The following ZNF91 variants were observed in gnomAD, a reference collection of about 807,000 sequenced individuals.
The protein encoded by ZNF91 is zinc finger protein 91.
Under a neutral mutation model 12.6 loss-of-function variants are expected in ZNF91, and 7 were observed. The ratio of observed to expected loss-of-function variants is 0.55; its 90% CI spans 0.31 to 1.04. The LOEUF (loss-of-function observed/expected upper bound fraction) is 1.04. Among genes scored for constraint, ZNF91 ranks in the 50% least tolerant of loss-of-function variants. ZNF91 has a pLI of 0.05. For missense variants in ZNF91, 1,217 were observed against 1,385.4 expected (o/e 0.88, Z 1.93); for synonymous variants, 453 against 462.6 (o/e 0.98, Z 0.27).
intron 1 of ZNF91, chr19:23,328,545 T>C (rs1967875861): frequency 6.6e-6 from 1 of 152,146 alleles, no homozygotes; most frequent in South Asian, 2.1e-4. Flanking sequence ...CTAGAGCAGA[T>C]TGTAAGAACT....
At chr19:23,355,532 G>C (rs1315853051), downstream of ZNF91, among the ~76,000 whole-genome samples, 1 of 152,008 alleles carries the variant, frequency 6.6e-6, no homozygotes, top group African/African-American at 2.4e-5. Context: ...ACCCTTCTAG[G>C]CATTGGCTAG....
At chr19:23,394,120 T>C (rs1235182210) in intron 1 of ZNF91, among the ~76,000 whole-genome samples, 1 of 152,184 alleles carries the variant, frequency 6.6e-6, no homozygotes, top group Non-Finnish European at 1.5e-5. Context: ...ACTGGAAATT[T>C]AGTATTTTAC....
In ZNF91 at chr19:23,395,448, G is replaced by A. The variant is rs1281202367; in HGVS notation, c.-94C>T. The A allele has an allele frequency of 1.3e-6, 2 of 1,483,734 alleles. No homozygotes were observed. Among genetic ancestry groups the A allele is most frequent in the Non-Finnish European group, 1.8e-6 (2 of 1,086,276 alleles). The allele number at this position is 1,483,734 out of a possible 1,614,324, so 91.9% of individuals were successfully genotyped here. A position where few individuals can be genotyped will look rare whatever the true frequency, so the allele number is the denominator to read the frequency against. ...CACAGAGCAGTGAAGTCGAGACCTG[G>A]AAACTCCGGCGGCAGCGAGAGACAA... On this transcript the variant is annotated 5_prime_UTR_variant, in exon 1 of 4. Coordinates refer to ENST00000300619, the MANE Select transcript of ZNF91 (RefSeq NM_003430.4).
At chr19:23,352,655 A>G (rs1968396339) in intron 3 of ZNF91, among the ~76,000 whole-genome samples, 1 of 152,186 alleles carries the variant, frequency 6.6e-6, no homozygotes, top group South Asian at 2.1e-4. Flanking sequence ...CTCCAATTAA[A>G]GGACACAGAA....
Position 23,366,186 on chromosome 19 carries a change from C to A in ZNF91, c.254-3461G>T, listed in dbSNP as rs1440662658. Reference sequence around the variant, plus strand: ...TCACCTCCCGGATGGGGTGGCTGGCCCGGCGGGGGCTGACCCCCCCACCTC... The same window carrying A: ...TCACCTCCCGGATGGGGTGGCTGGCACGGCGGGGGCTGACCCCCCCACCTC... On this transcript the variant is annotated intron_variant, in intron 3 of 3. Coordinates refer to ENST00000300619, the MANE Select transcript of ZNF91 (RefSeq NM_003430.4). Among the ~76,000 whole-genome samples the A allele has an allele frequency of 3.9e-5, 6 of 152,146 alleles. No individual in the cohort carries two copies. In the East Asian group the frequency reaches 1.2e-3, roughly 30 times the overall value.
intron 1 of ZNF91, among the ~76,000 whole-genome samples, chr19:23,378,901 A>G (rs1969602050): frequency 6.6e-6 from 1 of 152,208 alleles, no homozygotes; most frequent in South Asian, 2.1e-4. Flanking sequence ...TTGAGTCTCC[A>G]GACCTCCTCA....
downstream of ZNF91, among the ~76,000 whole-genome samples, chr19:23,336,098 C>T (rs1428682238): frequency 1.3e-5 from 2 of 152,190 alleles, no homozygotes; most frequent in Non-Finnish European, 2.9e-5. Context: ...TGTGCATCAG[C>T]AGCCTTTAAA....
chr19:23,334,015 A>C (rs29983), downstream of ZNF91, among the ~76,000 whole-genome samples: 70,978 of 152,022 alleles, frequency 0.47, 17,382 homozygotes, highest in East Asian at 0.82. Flanking sequence ...TGACTCACAA[A>C]CAGCAAGAAC....
At chr19:23,322,121 G>C (rs1312017176) in intron 1 of ZNF91, among the ~76,000 whole-genome samples, 1 of 152,148 alleles carries the variant, frequency 6.6e-6, no homozygotes, top group Non-Finnish European at 1.5e-5. Flanking sequence ...CCTGCCCCTT[G>C]GGGGTGATTG....
intron 1 of ZNF91, among the ~76,000 whole-genome samples, chr19:23,317,250 G>C (rs918411779): frequency 3.3e-5 from 5 of 151,948 alleles, no homozygotes; most frequent in African/African-American, 1.2e-4. Context: ...GGGTTTCACC[G>C]TCTTAGCTAG....
chr19:23,388,162 C>G (rs1470612748), intron 1 of ZNF91, among the ~76,000 whole-genome samples: 1 of 151,982 alleles, frequency 6.6e-6, no homozygotes, highest in Non-Finnish European at 1.5e-5. Context: ...AGGAGAATTG[C>G]TGGAACCCGA....
chr19:23,315,751 TACCA>T (rs1568365112), intron 1 of ZNF91, among the ~76,000 whole-genome samples: 1 of 152,210 alleles, frequency 6.6e-6, no homozygotes, highest in Non-Finnish European at 1.5e-5. Context: ...TAGCCCTACC[TACCA>T]GAGACATTGC....
chr19:23,327,388 T>C (rs1302221728), intron 1 of ZNF91: 1 of 152,094 alleles, frequency 6.6e-6, no homozygotes, highest in South Asian at 2.1e-4. Context: ...ATAAAAGGGA[T>C]ACCCAGAAGA....
intron 1 of ZNF91, chr19:23,326,148 C>G (rs1468542797): frequency 6.6e-6 from 1 of 152,152 alleles, no homozygotes; most frequent in African/African-American, 2.4e-5. Context: ...ATCTCAAATA[C>G]TACCTTTTCT....
Position 23,359,262 on chromosome 19 carries a change from G to A in ZNF91, c.*141C>T, listed in dbSNP as rs150388867. ...TTTTGAGACGGAGTCTCGCTCTGTC[G>A]CCCAGGCTTGAGTGCAGTGGCGTGA... On this transcript the variant is annotated 3_prime_UTR_variant, in exon 4 of 4. Transcript: ENST00000300619. 2,279 of 411,178 alleles carry A rather than the reference G, an allele frequency of 5.5e-3. 44 individuals are homozygous for A. Among genetic ancestry groups the A allele is most frequent in the African/African-American group, 0.043 (2,053 of 47,956 alleles). 25.5% of individuals were successfully genotyped at this position (411,178 alleles called of 1,614,324 possible). A position where few individuals can be genotyped will look rare whatever the true frequency, so the allele number is the denominator to read the frequency against.
chr19:23,322,250 C>T (rs1377033608), intron 1 of ZNF91, among the ~76,000 whole-genome samples: 1 of 152,188 alleles, frequency 6.6e-6, no homozygotes, highest in African/African-American at 2.4e-5. Context: ...ATGTGGCGCT[C>T]CTGCTTTGGT....
intron 1 of ZNF91, among the ~76,000 whole-genome samples, chr19:23,329,782 T>A (rs1281947426): frequency 1.3e-5 from 2 of 152,202 alleles, no homozygotes; most frequent in African/African-American, 4.8e-5. Context: ...AATAGTGATG[T>A]TGTCTGCTGA....
At chr19:23,383,700 A>G (rs533348761) in intron 1 of ZNF91, among the ~76,000 whole-genome samples, 1 of 152,192 alleles carries the variant, frequency 6.6e-6, no homozygotes, top group Non-Finnish European at 1.5e-5. Context: ...AGAAAAAAAA[A>G]AAGCTTGAAA....
At position 23,357,830 on chromosome 19, in the gene ZNF91, A is replaced by C. The variant is rs891818457; in HGVS notation, c.*1573T>G. 3 of 152,184 alleles carry C rather than the reference A, an allele frequency of 2.0e-5. No individual in the cohort carries two copies. Among genetic ancestry groups the C allele is most frequent in the Non-Finnish European group, 4.4e-5 (3 of 68,012 alleles). 9.4% of individuals were successfully genotyped at this position (152,184 alleles called of 1,614,324 possible). ...GAATTATTTGTAATACAAAGAATAA[A>C]TGCTAGAGGTAATGGAGACCGCATT... On this transcript the variant is annotated 3_prime_UTR_variant, in exon 4 of 4. Coordinates refer to ENST00000300619, the MANE Select transcript of ZNF91 (RefSeq NM_003430.4).
Sources: gnomAD v4.1 joint callset for allele counts (sites outside exome capture counted in the v4.1 genomes callset) on GRCh38, gnomAD v4.1.1 for gene constraint, MANE v1.5 for transcripts, NCBI Gene and HGNC (gene_info 2026-07-23, HGNC 2026-07-21) for gene names.